The following RAP1GAP2 variants were observed in gnomAD, a reference collection of about 807,000 sequenced individuals.
RAP1GAP2 encodes RAP1 GTPase activating protein 2.
In RAP1GAP2, 27 loss-of-function variants were observed where a neutral mutation model predicts 95.0. The ratio of observed to expected loss-of-function variants is 0.28; its 90% CI spans 0.21 to 0.39. The LOEUF (loss-of-function observed/expected upper bound fraction) is 0.39. RAP1GAP2 is among the 10% of genes least tolerant of loss of function. RAP1GAP2 has a pLI of 1.00. For missense variants in RAP1GAP2, 771 were observed against 970.0 expected, an observed-to-expected ratio of 0.79 and a Z score of 2.72; for synonymous variants, 373 against 380.9, an observed-to-expected ratio of 0.98 and a Z score of 0.24.
intron 2 of RAP1GAP2, among the ~76,000 whole-genome samples, chr17:2,886,173 T>A (rs9914715): frequency 0.55 from 53,084 of 96,240 alleles, 11,896 homozygotes; most frequent in Non-Finnish European, 0.58. Context: ...ATATATATAT[T>A]TTTTTTTTTT....
At chr17:2,972,454 T>C (rs9900198) in intron 8 of RAP1GAP2, among the ~76,000 whole-genome samples, 67,356 of 151,898 alleles carry the variant, frequency 0.44, 15,590 homozygotes, top group African/African-American at 0.58. Context: ...AAACCTGAAA[T>C]GAGCCTGGCC....
At position 2,796,644 on chromosome 17, in the gene RAP1GAP2, C is replaced by T. The variant is rs535717862; in HGVS notation, c.44+73C>T. ...AGTGAAGTCTTGTTAAGTGCATTGG[C>T]GGCCGTGGGAACAGAGGGGCTCGGG... On this transcript the variant is annotated intron_variant, in intron 1 of 24. Transcript: ENST00000254695. The surrounding 1 kb of genome is among the most constrained non-coding windows in gnomAD (Gnocchi z 4.7). The T allele has an allele frequency of 1.0e-4, 156 of 1,510,054 alleles. No individual in the cohort carries two copies. The South Asian group carries it at 1.3e-3, about 13-fold the overall frequency. The allele number at this position is 1,510,054 out of a possible 1,614,324, so 93.5% of individuals were successfully genotyped here.
chr17:2,848,159 C>T (rs915872772), intron 2 of RAP1GAP2, among the ~76,000 whole-genome samples: 1 of 152,118 alleles, frequency 6.6e-6, no homozygotes, highest in East Asian at 1.9e-4. Flanking sequence ...CGCAGGGTGC[C>T]CGCCACTGAG....
At chr17:2,975,476 T>C (rs148892199) in intron 8 of RAP1GAP2, among the ~76,000 whole-genome samples, 4 of 152,258 alleles carry the variant, frequency 2.6e-5, no homozygotes, top group Admixed American at 6.5e-5. Flanking sequence ...TCAGACAAAA[T>C]AGAATTTCAG....
At chr17:2,887,893 T>C (rs1597516178) in intron 2 of RAP1GAP2, among the ~76,000 whole-genome samples, 1 of 149,078 alleles carries the variant, frequency 6.7e-6, no homozygotes, top group South Asian at 2.1e-4. Context: ...AGGCTGGTCT[T>C]GAACTCCTGA....
chr17:2,820,847 A>G (rs1312507863), intron 2 of RAP1GAP2, among the ~76,000 whole-genome samples: 18 of 147,570 alleles, frequency 1.2e-4, no homozygotes, highest in Non-Finnish European at 2.5e-4. Context: ...TCAGCCTCCC[A>G]AGTAGCTGGG....
chr17:2,919,078 G>C lies in RAP1GAP2; in HGVS notation c.165+13710G>C, dbSNP rs1334112459. The stretch of plus-strand genomic sequence containing the variant: ...TGCCCTGCCAGGTGCCCACAGCTGA[G>C]GGGCCTGTCTGTGGAATGAATAAGG... On this transcript the variant is annotated intron_variant, in intron 3 of 24. Transcript: ENST00000254695. Among the ~76,000 whole-genome samples, 16 of 152,248 alleles carry C rather than the reference G, an allele frequency of 1.1e-4. No individual in the cohort carries two copies. The East Asian group carries it at 3.1e-3, about 29-fold the overall frequency.
chr17:2,960,123 CAAA>C (rs71153316), intron 4 of RAP1GAP2, among the ~76,000 whole-genome samples: 1 of 81,010 alleles, frequency 1.2e-5, no homozygotes, highest in Non-Finnish European at 2.4e-5. Flanking sequence ...GACTCCATCT[CAAA>C]AAAAAAAAAA....
In RAP1GAP2 at chr17:3,026,477, C is replaced by T. The variant is rs373961088; in HGVS notation, c.1980+13C>T. 379 of 1,536,188 alleles carry T rather than the reference C, an allele frequency of 2.5e-4. No individual in the cohort carries two copies. The highest frequency in any genetic ancestry group is 1.0e-3 in the Middle Eastern group (6 of 5,914). On this transcript the variant is annotated intron_variant, in intron 21 of 24. Coordinates refer to ENST00000254695, the MANE Select transcript of RAP1GAP2 (RefSeq NM_015085.5). ...GGGCGACAGTGGGGTAGGTGTGCCC[C>T]GTCCACCCTTGGGCAGGCACTCTGG...
In RAP1GAP2 at chr17:3,031,838, C is replaced by A. The variant is rs1438053876; in HGVS notation, c.2185-573C>A. On this transcript the variant is annotated intron_variant, in intron 23 of 24. Coordinates refer to ENST00000254695, the MANE Select transcript of RAP1GAP2 (RefSeq NM_015085.5). ...GGGTCCCCCAGTCCCTTCCTGAGCT[C>A]TCCAGACTATCGAGAGCTCCAGGTC... is the stretch of plus-strand genomic sequence containing the variant. Among the ~76,000 whole-genome samples, 4 of 144,420 alleles carry A rather than the reference C, an allele frequency of 2.8e-5. 1 individual carries two copies. In the East Asian group the frequency reaches 9.4e-4, roughly 34 times the overall value. 94.7% of individuals were successfully genotyped at this position (144,420 alleles called of 152,430 possible). A position where few individuals can be genotyped will look rare whatever the true frequency, so the allele number is the denominator to read the frequency against.
chr17:3,030,094 A>G (rs1175941501), intron 22 of RAP1GAP2, among the ~76,000 whole-genome samples: 1 of 147,852 alleles, frequency 6.8e-6, no homozygotes, highest in African/African-American at 2.5e-5. Flanking sequence ...TGTTATAGAT[A>G]CACATAATAT....
chr17:2,910,984 C>A (rs947217868), intron 3 of RAP1GAP2, among the ~76,000 whole-genome samples: 1 of 152,210 alleles, frequency 6.6e-6, no homozygotes, highest in Non-Finnish European at 1.5e-5. Context: ...CAGGCGTGAG[C>A]CACTGCACCT....
chr17:2,839,979 G>A (rs2071301450), intron 2 of RAP1GAP2, among the ~76,000 whole-genome samples: 1 of 151,054 alleles, frequency 6.6e-6, no homozygotes, highest in Non-Finnish European at 1.5e-5. Context: ...TGTATTTTTA[G>A]TAGAAACGGG....
chr17:2,787,431 A>G (rs928213992), intron 1 of RAP1GAP2, among the ~76,000 whole-genome samples: 1 of 151,336 alleles, frequency 6.6e-6, no homozygotes, highest in South Asian at 2.1e-4. Flanking sequence ...ATTTAAAAAA[A>G]TTTTTGTACA....
chr17:2,929,521 TG>T (rs1378213336), intron 3 of RAP1GAP2, among the ~76,000 whole-genome samples: 1 of 152,122 alleles, frequency 6.6e-6, no homozygotes, highest in East Asian at 1.9e-4. Flanking sequence ...CTGGGGCAGT[TG>T]GTGAGCTGGT....
Position 2,963,567 on chromosome 17 carries a change from C to A in RAP1GAP2, c.279+105C>A. ...GTGCCCAGCCCCCCAGGGGAGAGAA[C>A]CTTGGGCCTGGGACCTCTCTTCCTG... On this transcript the variant is annotated intron_variant, in intron 6 of 24. Transcript: ENST00000254695. The surrounding 1 kb of genome is among the most constrained non-coding windows in gnomAD (Gnocchi z 4.8). 1 of 1,460,226 alleles carries A rather than the reference C, an allele frequency of 6.8e-7. No individual in the cohort carries two copies. The highest frequency in any genetic ancestry group is 9.6e-7 in the Non-Finnish European group (1 of 1,045,940). 90.5% of individuals were successfully genotyped at this position (1,460,226 alleles called of 1,614,324 possible).
intron 2 of RAP1GAP2, among the ~76,000 whole-genome samples, chr17:2,833,568 T>G (rs2070998080): frequency 2.0e-5 from 3 of 151,322 alleles, no homozygotes; most frequent in Non-Finnish European, 4.4e-5. Context: ...CGGGCGCCTG[T>G]AGTCCCAGCT....
chr17:2,789,882 C>T (rs2068880589), intron 1 of RAP1GAP2, among the ~76,000 whole-genome samples: 1 of 151,764 alleles, frequency 6.6e-6, no homozygotes, highest in African/African-American at 2.4e-5. Context: ...CCTCCCTTTG[C>T]AATCTGCCAT....
At chr17:2,875,729 T>A (rs982148783) in intron 2 of RAP1GAP2, among the ~76,000 whole-genome samples, 3 of 151,992 alleles carry the variant, frequency 2.0e-5, no homozygotes, top group Non-Finnish European at 1.5e-5. Flanking sequence ...CGCCTGTCTG[T>A]CTCATCCTCC....
Sources: allele counts gnomAD v4.1 joint callset (sites outside exome capture counted in the v4.1 genomes callset), GRCh38; gene constraint gnomAD v4.1.1; non-coding constraint Gnocchi (gnomAD v3.1); transcripts MANE v1.5; gene names NCBI Gene and HGNC (gene_info 2026-07-23, HGNC 2026-07-21).